CEP70: variants seen among roughly 807,000 people sequenced by gnomAD.
CEP70 encodes the protein centrosomal protein 70.
A neutral mutation model predicts 90.9 loss-of-function variants in CEP70; 70 were observed. That is an observed-to-expected ratio of 0.77 (90% CI 0.64 to 0.94). The LOEUF (loss-of-function observed/expected upper bound fraction) is 0.94. Among genes scored for constraint, CEP70 ranks in the 40% least tolerant of loss-of-function variants. The pLI is 0.00. For missense variants in CEP70, 648 were observed against 669.0 expected (o/e 0.97, Z 0.35); for synonymous variants, 220 against 228.3 (o/e 0.96, Z 0.33).
rs1010541368 is a variant in CEP70 at position 138,516,396 on chromosome 3, G to T, written c.945-7852C>A. Among the ~76,000 whole-genome samples the T allele has an allele frequency of 2.6e-5, 4 of 151,960 alleles. No homozygotes were observed. In the South Asian group the frequency reaches 6.2e-4, roughly 24 times the overall value. On this transcript the variant is annotated intron_variant, in intron 11 of 17. Transcript: ENST00000264982. ...TATTATCTTTTTTTTGGGGGGACGG[G>T]GGGTGGAGGGACAGGGTCTTGCTCT...
chr3:138,573,581 T>TA (rs535250684), intron 2 of CEP70, among the ~76,000 whole-genome samples: 64 of 152,148 alleles, frequency 4.2e-4, no homozygotes, highest in African/African-American at 1.5e-3. Flanking sequence ...ATCTGCTCTG[T>TA]AAAAAAATTC....
chr3:138,544,540 T>C (rs1679337160), intron 6 of CEP70, among the ~76,000 whole-genome samples: 1 of 149,818 alleles, frequency 6.7e-6, no homozygotes, highest in South Asian at 2.1e-4. Context: ...TGTATGTATG[T>C]GTGTGTGTGT....
At chr3:138,537,006 A>G (rs994406023) in intron 7 of CEP70, 172 bp downstream of exon 7, 2 of 365,072 alleles carry the variant, frequency 5.5e-6, no homozygotes, top group East Asian at 8.3e-5. Context: ...TAGAACAAAA[A>G]AAAAAAAAAA....
chr3:138,544,197 TAC>T (rs1303685087), intron 6 of CEP70, among the ~76,000 whole-genome samples: 4 of 151,064 alleles, frequency 2.6e-5, no homozygotes, highest in Non-Finnish European at 4.4e-5. Context: ...TCATGGTAAC[TAC>T]AAAGCAAAAA....
rs543561593 is a variant in CEP70 at position 138,547,250 on chromosome 3, G to A, written c.466-9903C>T. Among the ~76,000 whole-genome samples, 4 of 152,298 alleles carry A rather than the reference G, an allele frequency of 2.6e-5. 1 individual carries two copies. The South Asian group carries it at 8.3e-4, about 32-fold the overall frequency. On this transcript the variant is annotated intron_variant, in intron 6 of 17. Coordinates refer to ENST00000264982, the MANE Select transcript of CEP70 (RefSeq NM_024491.4). ...TTTTACAAAACTGTAGGATAGAAAA[G>A]CAATACAGTAGTCCTCCTTATCCAT...
At chr3:138,566,370 A>G (rs552991783) in intron 6 of CEP70, among the ~76,000 whole-genome samples, 1 of 152,296 alleles carries the variant, frequency 6.6e-6, no homozygotes, top group Non-Finnish European at 1.5e-5. Flanking sequence ...CTATAAAGAC[A>G]CATGCACACG....
intron 6 of CEP70, among the ~76,000 whole-genome samples, chr3:138,540,352 G>A (rs1262377640): frequency 6.6e-6 from 1 of 152,104 alleles, no homozygotes; most frequent in East Asian, 1.9e-4. Context: ...TTATTCAGAT[G>A]TGGTGGCGCA....
At chr3:138,518,258 A>G (rs2036250291) in intron 11 of CEP70, among the ~76,000 whole-genome samples, 1 of 152,220 alleles carries the variant, frequency 6.6e-6, no homozygotes, top group Admixed American at 6.5e-5. Context: ...CTCTAGGGGC[A>G]GGGCATAGCC....
intron 1 of CEP70, chr3:138,592,897 T>C (rs1160330804): frequency 6.6e-6 from 1 of 152,224 alleles, no homozygotes; most frequent in Non-Finnish European, 1.5e-5. Context: ...TTTCGAAGTC[T>C]CTATTCCTTA....
chr3:138,539,002 C>A (rs1384367615), intron 6 of CEP70, among the ~76,000 whole-genome samples: 1 of 152,060 alleles, frequency 6.6e-6, no homozygotes, highest in South Asian at 2.1e-4. Context: ...GATGTTAAAT[C>A]TCTTTTATCA....
chr3:138,519,074 G>A (rs1365024215), intron 11 of CEP70, among the ~76,000 whole-genome samples: 1 of 152,186 alleles, frequency 6.6e-6, no homozygotes, highest in Non-Finnish European at 1.5e-5. Flanking sequence ...CTGGAAGAAA[G>A]GGTATCAGTG....
At chr3:138,530,410 TATC>T (rs2037705980) in intron 8 of CEP70, among the ~76,000 whole-genome samples, 1 of 152,226 alleles carries the variant, frequency 6.6e-6, no homozygotes. Context: ...CACATAAACA[TATC>T]ACCAGTCTAG....
At chr3:138,515,467 C>CAAAAAAAAAAAAAAAAAAAAAAAAA (rs145902706) in intron 11 of CEP70, among the ~76,000 whole-genome samples, 2 of 65,386 alleles carry the variant, frequency 3.1e-5, no homozygotes, top group South Asian at 6.8e-4. Flanking sequence ...CATAGAAATG[C>CAAAAAAAAAAAAAAAAAAAAAAAAA]AAAAAAAAAA....
intron 15 of CEP70, 44 bp downstream of exon 15, chr3:138,500,355 A>C: frequency 6.5e-7 from 1 of 1,542,144 alleles, no homozygotes; most frequent in Non-Finnish European, 8.7e-7. Context: ...TAATTTATTA[A>C]AAATTCTTAA....
chr3:138,498,166 G>C lies in CEP70; in HGVS notation c.1653-56C>G, dbSNP rs1302087429. 1.4e-5 allele frequency: 17 copies of C among 1,243,168 alleles called. 1 individual carries two copies. The East Asian group carries it at 4.0e-4, about 29-fold the overall frequency. The allele number at this position is 1,243,168 out of a possible 1,614,324, so 77.0% of individuals were successfully genotyped here. A position where few individuals can be genotyped will look rare whatever the true frequency, so the allele number is the denominator to read the frequency against. The stretch of plus-strand genomic sequence containing the variant: ...TTTCTAACTTTGGGTTCTTGCATCT[G>C]ATTGCAAACAGAACATTTTCAAAAT... On this transcript the variant is annotated intron_variant, in intron 16 of 17. Coordinates refer to ENST00000264982, the MANE Select transcript of CEP70 (RefSeq NM_024491.4).
chr3:138,561,050 A>G (rs566657507), intron 6 of CEP70, among the ~76,000 whole-genome samples: 1 of 152,178 alleles, frequency 6.6e-6, no homozygotes, highest in Admixed American at 6.5e-5. Flanking sequence ...CTAAAGGTCA[A>G]ACTAACTCCT....
Position 138,498,088 on chromosome 3 carries a change from G to A in CEP70, c.1675C>T (p.His559Tyr), listed in dbSNP as rs779976251. The change falls in exon 17 of 18, where the codon CAC becomes TAC. Residue 559 changes from histidine to tyrosine, a missense_variant. His to Tyr is a moderately conservative substitution (Grantham distance 83). Transcript: ENST00000264982. Reference sequence around the variant, plus strand: ...TGAAATGCTGGGAAAAATTCCTCGTGTTCTTCCAATTTGTAGATAATGCTG... The same window carrying A: ...TGAAATGCTGGGAAAAATTCCTCGTATTCTTCCAATTTGTAGATAATGCTG... ...LQSIIYKLEE[H>Y]EEFFPAFQAF... is the part of the protein sequence containing the mutation. The A allele has an allele frequency of 5.0e-6, 8 of 1,613,050 alleles. No individual in the cohort carries two copies. The South Asian group carries it at 8.8e-5, about 18-fold the overall frequency.
chr3:138,538,608 T>G (rs1307619153), intron 6 of CEP70, among the ~76,000 whole-genome samples: 3 of 152,150 alleles, frequency 2.0e-5, no homozygotes, highest in Non-Finnish European at 4.4e-5. Flanking sequence ...GACATAGATA[T>G]ATGTCCACAA....
intron 2 of CEP70, among the ~76,000 whole-genome samples, chr3:138,588,633 G>A (rs1430077667): frequency 3.3e-5 from 5 of 152,184 alleles, no homozygotes; most frequent in African/African-American, 9.7e-5. Flanking sequence ...TACTGCCGAC[G>A]GGAATTTAAA....
Sources: allele counts gnomAD v4.1 joint callset (sites outside exome capture counted in the v4.1 genomes callset), GRCh38; gene constraint gnomAD v4.1.1; transcripts MANE v1.5; gene names NCBI Gene and HGNC (gene_info 2026-07-23, HGNC 2026-07-21).